Variants in ACER3 observed in about 807,000 individuals in gnomAD.
ACER3 encodes alkaline ceramidase 3, also known as alkCDase 3.
ACER3 carries 16 observed loss-of-function variants against 48.9 expected under a neutral mutation model. That is an observed-to-expected ratio of 0.33 (90% CI 0.22 to 0.50). ACER3 has a LOEUF of 0.50. Ranked by LOEUF, ACER3 falls within the 20% of genes least tolerant of loss-of-function variation. The pLI is 0.98. For synonymous variants in ACER3, 109 were observed against 107.8 expected (o/e 1.01, Z -0.07); for missense variants, 227 against 326.0 (o/e 0.70, Z 2.34).
At chr11:76,915,221 A>G (rs1739970133) in intron 1 of ACER3, among the ~76,000 whole-genome samples, 2 of 152,108 alleles carry the variant, frequency 1.3e-5, no homozygotes, top group African/African-American at 4.8e-5. Flanking sequence ...ATAAGTTAAA[A>G]AAAAAAGACA....
In ACER3 at chr11:77,012,335, T is replaced by A. The variant is rs370453189; in HGVS notation, c.498-2681T>A. Among the ~76,000 whole-genome samples the A allele has an allele frequency of 4.0e-5, 6 of 149,800 alleles. No individual in the cohort carries two copies. The East Asian group carries it at 7.9e-4, about 20-fold the overall frequency. ...TGGGAGGCTGAGGCAGGAGAATCAC[T>A]TGAACCTGGGAGGCAGAGGTTGCAG... On this transcript the variant is annotated intron_variant, in intron 7 of 10. Coordinates refer to ENST00000532485, the MANE Select transcript of ACER3 (RefSeq NM_018367.7).
In ACER3 at chr11:77,005,995, T is replaced by A. The variant is rs1204255350; in HGVS notation, c.497+7174T>A. ...TACATATATATATATATATATATTTTTTTTTTTTTTTGAGCCAGAGTTTCA... is the reference window on the plus strand; with the variant it reads ...TACATATATATATATATATATATTTATTTTTTTTTTTGAGCCAGAGTTTCA... On this transcript the variant is annotated intron_variant, in intron 7 of 10. Transcript: ENST00000532485. Among the ~76,000 whole-genome samples the A allele has an allele frequency of 3.1e-3, 273 of 88,550 alleles. 5 individuals are homozygous for A. Among genetic ancestry groups the A allele is most frequent in the South Asian group, 6.2e-3 (18 of 2,914 alleles). The allele number at this position is 88,550 out of a possible 152,430, so 58.1% of individuals were successfully genotyped here. A position where few individuals can be genotyped will look rare whatever the true frequency, so the allele number is the denominator to read the frequency against.
At chr11:76,913,356 T>A in intron 1 of ACER3, among the ~76,000 whole-genome samples, 1 of 152,274 alleles carries the variant, frequency 6.6e-6, no homozygotes, top group South Asian at 2.1e-4. Context: ...TTGAATACCC[T>A]TTATTTCTTT....
intron 1 of ACER3, among the ~76,000 whole-genome samples, chr11:76,875,355 A>C (rs1945345721): frequency 6.6e-6 from 1 of 151,894 alleles, no homozygotes; most frequent in Admixed American, 6.6e-5. Context: ...CTCGTGATCC[A>C]TCCACCTCAG....
intron 1 of ACER3, among the ~76,000 whole-genome samples, chr11:76,901,267 A>AT (rs936534157): frequency 6.7e-5 from 6 of 89,118 alleles, no homozygotes; most frequent in Non-Finnish European, 1.6e-4. Flanking sequence ...ATTGTCCAAC[A>AT]TTTAAAAAAA....
intron 1 of ACER3, among the ~76,000 whole-genome samples, chr11:76,880,600 T>C (rs940966988): frequency 1.3e-5 from 2 of 152,224 alleles, no homozygotes; most frequent in African/African-American, 4.8e-5. Context: ...AGATTCTTCT[T>C]GGCTTCTCTG....
intron 4 of ACER3, among the ~76,000 whole-genome samples, chr11:76,981,015 A>G (rs900037897): frequency 2.0e-5 from 3 of 152,230 alleles, no homozygotes; most frequent in Non-Finnish European, 4.4e-5. Context: ...ACAGAACCAG[A>G]AACAAGCAGC....
chr11:76,949,012 A>G (rs1441101096), intron 2 of ACER3, among the ~76,000 whole-genome samples: 1 of 152,196 alleles, frequency 6.6e-6, no homozygotes, highest in Admixed American at 6.5e-5. Context: ...CTGGGATTCT[A>G]GTCTAGGTCT....
chr11:76,959,278 C>A, intron 3 of ACER3: 2 of 1,300,128 alleles, frequency 1.5e-6, no homozygotes, highest in Non-Finnish European at 9.9e-7. Context: ...AAATTGAGAG[C>A]AGCATTAGAG....
chr11:76,976,208 A>G, intron 3 of ACER3, 81 bp from the exon 4 acceptor site: 1 of 1,091,962 alleles, frequency 9.2e-7, no homozygotes, highest in Non-Finnish European at 1.4e-6. Context: ...AATCTTAATC[A>G]TTTTGATGTT....
chr11:76,932,572 A>T (rs1947036174), intron 2 of ACER3, among the ~76,000 whole-genome samples: 1 of 152,216 alleles, frequency 6.6e-6, no homozygotes, highest in South Asian at 2.1e-4. Flanking sequence ...CAATAAGAAC[A>T]AAAAGACCTG....
At chr11:76,940,873 C>T (rs1019076539) in intron 2 of ACER3, among the ~76,000 whole-genome samples, 1 of 151,936 alleles carries the variant, frequency 6.6e-6, no homozygotes, top group African/African-American at 2.4e-5. Context: ...TGGGAATGTT[C>T]GATGGATAAG....
rs1212404296 is a variant in ACER3, at chr11:77,024,123, A to C, written c.*3796A>C. Reference sequence around the variant, plus strand: ...AAAAGACTAAAATTTGATTTAAAGTAGTTAAACCCCTTTATGGAAGGAGCT... The same window carrying C: ...AAAAGACTAAAATTTGATTTAAAGTCGTTAAACCCCTTTATGGAAGGAGCT... On this transcript the variant is annotated 3_prime_UTR_variant, in exon 11 of 11. Transcript: ENST00000532485. 7.0e-6 allele frequency: 1 copy of C among 142,560 alleles called. No individual in the cohort carries two copies. The highest frequency in any genetic ancestry group is 2.5e-5 in the African/African-American group (1 of 39,336). 8.8% of individuals were successfully genotyped at this position (142,560 alleles called of 1,614,324 possible).
At chr11:76,936,351 G>C (rs567384361) in intron 2 of ACER3, among the ~76,000 whole-genome samples, 57 of 152,210 alleles carry the variant, frequency 3.7e-4, no homozygotes, top group African/African-American at 1.3e-3. Context: ...ATGATGCTGA[G>C]GAAAAGAATT....
intron 2 of ACER3, among the ~76,000 whole-genome samples, chr11:76,929,380 C>T (rs1484949784): frequency 6.6e-6 from 1 of 152,182 alleles, no homozygotes; most frequent in African/African-American, 2.4e-5. Flanking sequence ...ATGGGGTTTT[C>T]CAGATATACA....
At chr11:76,941,441 A>G (rs1947340448) in intron 2 of ACER3, among the ~76,000 whole-genome samples, 7 of 152,310 alleles carry the variant, frequency 4.6e-5, no homozygotes, top group Admixed American at 2.0e-4. Flanking sequence ...CTTATAGTCT[A>G]GCATGGGGAG....
At position 77,025,408 on chromosome 11, in the gene ACER3, A is replaced by ATTTATT. The variant is rs1555025502; in HGVS notation, c.*5082_*5083insTTATTT. 2 of 144,114 alleles carry ATTTATT rather than the reference A, an allele frequency of 1.4e-5. No homozygotes were observed. The highest frequency in any genetic ancestry group is 5.3e-5 in the African/African-American group (2 of 37,888). The allele number at this position is 144,114 out of a possible 1,614,324, so 8.9% of individuals were successfully genotyped here. ...TTTTATTCTTTATATATATATATAT[A>ATTTATT]TATTTATTTATTTTTTTGAGACAGA... On this transcript the variant is annotated 3_prime_UTR_variant, in exon 11 of 11. Coordinates refer to ENST00000532485, the MANE Select transcript of ACER3 (RefSeq NM_018367.7).
intron 2 of ACER3, among the ~76,000 whole-genome samples, chr11:76,948,185 T>C (rs1014157483): frequency 3.6e-4 from 54 of 151,666 alleles, no homozygotes; most frequent in African/African-American, 1.3e-3. Context: ...CATTCTGTTA[T>C]TGCTGTAGCT....
At chr11:76,993,654 A>G (rs181159626) in intron 6 of ACER3, among the ~76,000 whole-genome samples, 3 of 152,258 alleles carry the variant, frequency 2.0e-5, no homozygotes, top group South Asian at 4.1e-4. Flanking sequence ...GCAGTCCCCA[A>G]CCTTTTTGGC....
Sources: allele counts gnomAD v4.1 joint callset (sites outside exome capture counted in the v4.1 genomes callset), GRCh38; gene constraint gnomAD v4.1.1; transcripts MANE v1.5; gene names NCBI Gene and HGNC (gene_info 2026-07-23, HGNC 2026-07-21).